GIGYF1: variants seen among roughly 807,000 people sequenced by gnomAD.
The protein encoded by GIGYF1 is GRB10-interacting GYF protein 1.
In GIGYF1, 84 loss-of-function variants were observed where a neutral mutation model predicts 147.1. That is an observed-to-expected ratio of 0.57 (90% CI 0.48 to 0.68). GIGYF1 has a LOEUF of 0.68. Among genes scored for constraint, GIGYF1 ranks in the 30% least tolerant of loss-of-function variants. The probability of loss-of-function intolerance (pLI) is 0.00; values close to 1 mark genes in which losing one functional copy is unlikely to be tolerated. For synonymous variants in GIGYF1, 752 were observed against 589.5 expected (o/e 1.28, Z -3.99); for missense variants, 1,485 against 1,393.7 (o/e 1.07, Z -1.04).
chr7:100,686,870 G>A (rs1805400487), intron 9 of GIGYF1, 51 bp from the exon 10 acceptor site: 2 of 1,544,412 alleles, frequency 1.3e-6, no homozygotes, highest in South Asian at 1.1e-5. Flanking sequence ...CGTGGTGCCT[G>A]GACCCTCAAG....
intron 1 of GIGYF1, 150 bp from the exon 2 acceptor site, chr7:100,689,705 C>G (rs1805675060): frequency 6.6e-6 from 1 of 152,400 alleles, no homozygotes; most frequent in African/African-American, 2.4e-5. Context: ...AACCCAAGGC[C>G]AGGCTGGCCT....
In GIGYF1 at chr7:100,688,676, C is replaced by T. The variant is rs927975450; in HGVS notation, c.-219G>A. The T allele has an allele frequency of 2.6e-6, 1 of 384,706 alleles. No homozygotes were observed. The highest frequency in any genetic ancestry group is 5.1e-6 in the Non-Finnish European group (1 of 194,376). 23.8% of individuals were successfully genotyped at this position (384,706 alleles called of 1,614,324 possible). A position where few individuals can be genotyped will look rare whatever the true frequency, so the allele number is the denominator to read the frequency against. ...CCCAAGCCACTGGGAATTGGTCTGA[C>T]CTCAGTAGAGCCTGGGAGGGACCTT... is the stretch of plus-strand genomic sequence containing the variant. On this transcript the variant is annotated 5_prime_UTR_variant, in exon 2 of 27. Coordinates refer to ENST00000678049, the MANE Select transcript of GIGYF1 (RefSeq NM_001375765.1).
At chr7:100,691,680 C>T (rs1257325261) in intron 1 of GIGYF1, among the ~76,000 whole-genome samples, 1 of 152,092 alleles carries the variant, frequency 6.6e-6, no homozygotes. Flanking sequence ...CTCCTTCTCA[C>T]AGGCCCCTTC....
rs771745865 is a variant in GIGYF1, at chr7:100,681,762, A to G, written c.3065T>C (p.Leu1022Pro). Residue 1022 changes from leucine to proline, a missense_variant, in exon 27 of 27, where the codon CTG (leucine) becomes CCG (proline). Leu to Pro is a moderately conservative substitution (Grantham distance 98). Transcript: ENST00000678049. ...CTCGATCTCACCAGAAGATCCGTGCAGGGAGTACCCTGAAGCCGGGGAGAA... is the reference window on the plus strand; with the variant it reads ...CTCGATCTCACCAGAAGATCCGTGCGGGGAGTACCCTGAAGCCGGGGAGAA... ...HSDPSILGYS[L>P]HGSSGEIESV... The G allele has an allele frequency of 1.9e-6, 3 of 1,588,776 alleles. No homozygotes were observed. In the South Asian group the frequency reaches 3.4e-5, roughly 18 times the overall value.
At chr7:100,684,984 G>A (rs1483846159) in intron 14 of GIGYF1, 65 bp downstream of exon 14, 5 of 1,560,788 alleles carry the variant, frequency 3.2e-6, no homozygotes, top group Non-Finnish European at 4.3e-6. Context: ...TGGGGCCGGG[G>A]CTGGGGCCAA....
At chr7:100,682,522 C>T (rs1804881570) in intron 23 of GIGYF1, 40 bp from the exon 24 acceptor site, 2 of 1,602,748 alleles carry the variant, frequency 1.2e-6, no homozygotes, top group South Asian at 1.1e-5. Context: ...AATCAGCTGG[C>T]AGGGGTTGGG....
At position 100,684,463 on chromosome 7, in the gene GIGYF1, G is replaced by A. The variant is rs1584495912; in HGVS notation, c.1616C>T (p.Pro539Leu). 6.2e-7 allele frequency: 1 copy of A among 1,612,828 alleles called. No homozygotes were observed. The highest frequency in any genetic ancestry group is 8.5e-7 in the Non-Finnish European group (1 of 1,179,990). Reference sequence around the variant, plus strand: ...GAAGCGGCTCACCAGCAGTGGGGGAGGTGAGGGCCCTGGGGCAAAGGGCAC... The same window carrying A: ...GAAGCGGCTCACCAGCAGTGGGGGAAGTGAGGGCCCTGGGGCAAAGGGCAC... ...GRVPFAPGPS[P>L]PPLLGNMDQE... The change falls in exon 16 of 27, where the codon CCT becomes CTT. Residue 539 changes from proline (P) to leucine (L), a missense_variant. Coordinates refer to ENST00000678049, the MANE Select transcript of GIGYF1 (RefSeq NM_001375765.1).
Position 100,687,962 on chromosome 7 carries a change from C to T in GIGYF1, c.165+19G>A, listed in dbSNP as rs760687486. The T allele has an allele frequency of 1.2e-6, 2 of 1,609,602 alleles. No individual in the cohort carries two copies. The highest frequency in any genetic ancestry group is 1.3e-5 in the African/African-American group (1 of 74,856). ...AGGCAGAGGCCACCACCGCCAACCC[C>T]CCTCGCCCACGCACCCACCTTGTTC... On this transcript the variant is annotated intron_variant, in intron 5 of 26. Coordinates refer to ENST00000678049, the MANE Select transcript of GIGYF1 (RefSeq NM_001375765.1).
intron 1 of GIGYF1, among the ~76,000 whole-genome samples, chr7:100,690,758 G>A (rs1439215200): frequency 1.4e-5 from 2 of 143,540 alleles, no homozygotes; most frequent in African/African-American, 5.4e-5. Context: ...CTCCAGCCTG[G>A]GCAACAGAGC....
rs138352014 is a variant in GIGYF1 at position 100,681,990 on chromosome 7, C to T, written c.2929G>A (p.Ala977Thr). 2 of 1,609,130 alleles carry T rather than the reference C, an allele frequency of 1.2e-6. No individual in the cohort carries two copies. Among genetic ancestry groups the T allele is most frequent in the Non-Finnish European group, 1.7e-6 (2 of 1,179,908 alleles). ...ASQQRQQQQE[A>T]WLSSASLQTA... Reference sequence around the variant, plus strand: ...TGCAGCGAGGCGCTGCTCAGCCATGCCTCCTAAGGCAGCGGAGAGGAGGGT... The same window carrying T: ...TGCAGCGAGGCGCTGCTCAGCCATGTCTCCTAAGGCAGCGGAGAGGAGGGT... The change falls in exon 26 of 27, where the codon GCA (alanine) becomes ACA (threonine). Residue 977 changes from alanine to threonine, a missense_variant. By Grantham distance (58) the Ala-to-Thr change is moderately conservative. Coordinates refer to ENST00000678049, the MANE Select transcript of GIGYF1 (RefSeq NM_001375765.1).
chr7:100,681,931 G>A lies in GIGYF1; in HGVS notation c.2988C>T (p.Leu996=), dbSNP rs374761641. 11 of 1,610,234 alleles carry A rather than the reference G, an allele frequency of 6.8e-6. No homozygotes were observed. The highest frequency in any genetic ancestry group is 1.7e-4 in the Middle Eastern group (1 of 6,036). Residue 996 remains leucine (L), a synonymous_variant, in exon 26 of 27, where the codon CTC becomes CTT. Coordinates refer to ENST00000678049, the MANE Select transcript of GIGYF1 (RefSeq NM_001375765.1). The stretch of plus-strand genomic sequence containing the variant: ...TGGCCTTGCTGCCCTCCCCGGGGCC[G>A]AGTTTGGTGCTGTGGTTGGCCTGGA... ...TAFQANHSTK[L]GPGEGSKAKR...
intron 1 of GIGYF1, among the ~76,000 whole-genome samples, chr7:100,692,774 C>T (rs1465931644): frequency 1.3e-5 from 2 of 152,216 alleles, no homozygotes; most frequent in Non-Finnish European, 2.9e-5. Context: ...ACACCAAGGC[C>T]AGGTCTACCC....
At chr7:100,683,482 G>T (rs558817694) in intron 20 of GIGYF1, 38 bp from the exon 21 acceptor site, 1 of 1,613,878 alleles carries the variant, frequency 6.2e-7, no homozygotes, top group Admixed American at 1.7e-5. Context: ...GAGCTGCAGG[G>T]GACAGCCTGG....
chr7:100,688,282 G>A lies in GIGYF1; in HGVS notation c.-44C>T. On this transcript the variant is annotated 5_prime_UTR_variant, in exon 4 of 27. Transcript: ENST00000678049. ...TGAGAGGCCGGGGGTGGGGAGGAGGGGACCTGGCGTTCACTGTCCAAACAC... is the reference window on the plus strand; with the variant it reads ...TGAGAGGCCGGGGGTGGGGAGGAGGAGACCTGGCGTTCACTGTCCAAACAC... 3 of 1,269,164 alleles carry A rather than the reference G, an allele frequency of 2.4e-6. No individual in the cohort carries two copies. Among genetic ancestry groups the A allele is most frequent in the Non-Finnish European group, 3.5e-6 (3 of 868,876 alleles). 78.6% of individuals were successfully genotyped at this position (1,269,164 alleles called of 1,614,324 possible).
Position 100,681,699 on chromosome 7 carries a change from G to A in GIGYF1, c.*20C>T. 4 of 1,534,682 alleles carry A rather than the reference G, an allele frequency of 2.6e-6. No homozygotes were observed. The highest frequency in any genetic ancestry group is 3.5e-6 in the Non-Finnish European group (4 of 1,141,666). ...GTGGCTGCCCTGGCCTACAGCCCAGGGGCTGGGGGTCCGGGCTGGTCAGTA... is the reference window on the plus strand; with the variant it reads ...GTGGCTGCCCTGGCCTACAGCCCAGAGGCTGGGGGTCCGGGCTGGTCAGTA... On this transcript the variant is annotated 3_prime_UTR_variant, in exon 27 of 27. Transcript: ENST00000678049.
chr7:100,683,997 G>A (rs749029355), intron 18 of GIGYF1, 23 bp downstream of exon 18: 1 of 1,594,090 alleles, frequency 6.3e-7, no homozygotes, highest in Non-Finnish European at 8.5e-7. Context: ...CCTGTATCCT[G>A]AGGGCTCGCA....
intron 12 of GIGYF1, 57 bp from the exon 13 acceptor site, chr7:100,685,538 T>C: frequency 6.4e-7 from 1 of 1,572,820 alleles, no homozygotes; most frequent in East Asian, 2.3e-5. Flanking sequence ...CCACGCGAGT[T>C]AGCACAAGCC....
intron 25 of GIGYF1, 29 bp from the exon 26 acceptor site, chr7:100,682,022 C>T (rs1462967325): frequency 6.2e-7 from 1 of 1,609,908 alleles, no homozygotes; most frequent in Admixed American, 1.7e-5. Context: ...GGGTGAAGGT[C>T]AGGAGGCACC....
rs753115971 is a variant in GIGYF1 at position 100,687,978 on chromosome 7, C to T, written c.165+3G>A. ...CGCCAACCCCCCTCGCCCACGCACCCACCTTGTTCTCCTTGACGTAGAGAG... is the reference window on the plus strand; with the variant it reads ...CGCCAACCCCCCTCGCCCACGCACCTACCTTGTTCTCCTTGACGTAGAGAG... On this transcript the variant is annotated splice_donor_region_variant and intron_variant, in intron 5 of 26. Transcript: ENST00000678049. 1 of 1,611,258 alleles carries T rather than the reference C, an allele frequency of 6.2e-7. No homozygotes were observed. Among genetic ancestry groups the T allele is most frequent in the South Asian group, 1.1e-5 (1 of 90,854 alleles).
Sources: allele counts gnomAD v4.1 joint callset (sites outside exome capture counted in the v4.1 genomes callset), GRCh38; gene constraint gnomAD v4.1.1; transcripts MANE v1.5; gene names NCBI Gene and HGNC (gene_info 2026-07-23, HGNC 2026-07-21).